Variants in NPAS3 observed in about 807,000 individuals in gnomAD.
NPAS3 encodes neuronal PAS domain protein 3, also known as neuronal PAS domain-containing protein 3.
A neutral mutation model predicts 73.1 loss-of-function variants in NPAS3; 14 were observed. The ratio of observed to expected loss-of-function variants is 0.19; its 90% CI spans 0.13 to 0.30. The LOEUF (loss-of-function observed/expected upper bound fraction) is 0.30, where lower values mean the gene tolerates loss of function less well. NPAS3 is among the 10% of genes least tolerant of loss of function. The pLI, the probability that NPAS3 is intolerant of heterozygous loss-of-function variation, is 1.00. For missense variants in NPAS3, 1,096 were observed against 1,250.0 expected (o/e 0.88, Z 1.86); for synonymous variants, 620 against 541.5 (o/e 1.14, Z -2.01).
chr14:33,575,644 T>C (rs1324748502), intron 5 of NPAS3, among the ~76,000 whole-genome samples: 2 of 152,236 alleles, frequency 1.3e-5, no homozygotes, highest in Admixed American at 6.5e-5. Context: ...AAATGATTTG[T>C]TTGCTTTGTT....
At chr14:33,232,993 C>T (rs143772667) in intron 3 of NPAS3, among the ~76,000 whole-genome samples, 25 of 152,280 alleles carry the variant, frequency 1.6e-4, no homozygotes, top group African/African-American at 5.8e-4. Flanking sequence ...ACAAACCTTA[C>T]ATCCAAATCA....
chr14:33,101,355 GA>G (rs907570238), intron 2 of NPAS3, among the ~76,000 whole-genome samples: 15 of 152,112 alleles, frequency 9.9e-5, no homozygotes, highest in Admixed American at 4.6e-4. Flanking sequence ...TAATTTAGGG[GA>G]AAAAAGAGTG....
intron 3 of NPAS3, among the ~76,000 whole-genome samples, chr14:33,355,842 T>C (rs1007558805): frequency 1.3e-5 from 2 of 152,214 alleles, no homozygotes; most frequent in African/African-American, 2.4e-5. Context: ...CTGTCCCTAC[T>C]TTTCCCTTCC....
intron 2 of NPAS3, among the ~76,000 whole-genome samples, chr14:33,089,038 C>CAAAGATCAAAGGTAGGTAAAACCACA (rs57623601): frequency 6.9e-6 from 1 of 144,654 alleles, no homozygotes; most frequent in African/African-American, 2.7e-5. Flanking sequence ...TCACCATCAT[C>CAAAGATCAAAGGTAGGTAAAACCACA]AAGATGAGGA....
intron 5 of NPAS3, among the ~76,000 whole-genome samples, chr14:33,584,690 G>T (rs947947138): frequency 1.3e-5 from 2 of 152,134 alleles, no homozygotes; most frequent in Non-Finnish European, 2.9e-5. Context: ...AACATACCCA[G>T]ATTGAAAGGT....
intron 7 of NPAS3, among the ~76,000 whole-genome samples, chr14:33,765,833 C>T (rs139287871): frequency 6.6e-6 from 1 of 152,278 alleles, no homozygotes; most frequent in African/African-American, 2.4e-5. Context: ...CACTGTCATA[C>T]AGGGCACTAG....
intron 3 of NPAS3, among the ~76,000 whole-genome samples, chr14:33,343,123 A>T (rs138520487): frequency 7.1e-4 from 108 of 152,278 alleles, no homozygotes; most frequent in Non-Finnish European, 1.3e-3. Context: ...TCCGCAAATA[A>T]CATCTTTGCT....
Position 33,258,933 on chromosome 14 carries a change from C to A in NPAS3, c.385+43507C>A, listed in dbSNP as rs553388563. Among the ~76,000 whole-genome samples the A allele has an allele frequency of 2.2e-4, 34 of 152,326 alleles. No homozygotes were observed. The South Asian group carries it at 6.6e-3, about 30-fold the overall frequency. On this transcript the variant is annotated intron_variant, in intron 3 of 11. Coordinates refer to ENST00000356141, the Ensembl canonical transcript of NPAS3. ...GGTTCACGCCATCCTCCTGCCTCAG[C>A]CTCCCAAGTAGCTGGGACTACAGGC...
chr14:33,293,274 G>A (rs138213959), intron 3 of NPAS3, among the ~76,000 whole-genome samples: 1 of 152,228 alleles, frequency 6.6e-6, no homozygotes, highest in East Asian at 1.9e-4. Flanking sequence ...TTGAAGGTAT[G>A]GAAAGAGTTA....
At chr14:33,331,165 C>A (rs903964119) in intron 3 of NPAS3, among the ~76,000 whole-genome samples, 32 of 152,120 alleles carry the variant, frequency 2.1e-4, no homozygotes, top group African/African-American at 7.0e-4. Context: ...AGGGTAAGAT[C>A]TCATCAGTAC....
chr14:33,564,812 G>C (rs1022792166), intron 5 of NPAS3, among the ~76,000 whole-genome samples: 2 of 152,118 alleles, frequency 1.3e-5, no homozygotes, highest in Non-Finnish European at 2.9e-5. Flanking sequence ...AGTTAATATA[G>C]GGTCCTGTTT....
chr14:33,095,837 T>G (rs2042400438), intron 2 of NPAS3, among the ~76,000 whole-genome samples: 1 of 151,256 alleles, frequency 6.6e-6, no homozygotes. Context: ...CCCGGCTAAT[T>G]TTTTGTATTT....
intron 3 of NPAS3, among the ~76,000 whole-genome samples, chr14:33,339,461 G>T (rs1051262398): frequency 6.6e-6 from 1 of 152,160 alleles, no homozygotes; most frequent in Non-Finnish European, 1.5e-5. Flanking sequence ...CAAAAAAGAT[G>T]AAAGCTACAT....
intron 5 of NPAS3, among the ~76,000 whole-genome samples, chr14:33,640,719 G>A (rs1427910555): frequency 6.6e-6 from 1 of 152,208 alleles, no homozygotes; most frequent in Non-Finnish European, 1.5e-5. Flanking sequence ...GGGAGAACAA[G>A]TATATTGACA....
chr14:32,974,968 G>T (rs776960351), intron 1 of NPAS3, among the ~76,000 whole-genome samples: 1 of 152,142 alleles, frequency 6.6e-6, no homozygotes, highest in Non-Finnish European at 1.5e-5. Flanking sequence ...TAGAGTATCT[G>T]ATTAATAAAG....
intron 2 of NPAS3, among the ~76,000 whole-genome samples, chr14:33,136,147 G>A (rs944738760): frequency 1.4e-5 from 2 of 139,496 alleles, no homozygotes; most frequent in Admixed American, 8.0e-5. Context: ...TGCAACCTCC[G>A]CCTCCCAGGT....
rs529633279 is a variant in NPAS3, at chr14:33,597,442, A to G, written c.558+37232A>G. 5.3e-4 allele frequency among the ~76,000 whole-genome samples: 80 copies of G among 152,352 alleles called. 2 individuals carry two copies. The South Asian group carries it at 0.016, about 30-fold the overall frequency. On this transcript the variant is annotated intron_variant, in intron 5 of 11. Transcript: ENST00000356141. ...GGAAGGCATATGTCATGGGAACATA[A>G]AGAGTAATTTTCGTCTAAAGTAAAT...
At chr14:33,143,957 C>G (rs1231589188) in intron 2 of NPAS3, among the ~76,000 whole-genome samples, 1 of 152,228 alleles carries the variant, frequency 6.6e-6, no homozygotes, top group East Asian at 1.9e-4. Flanking sequence ...ACTTTATTAT[C>G]TGTTGCTGGA....
intron 2 of NPAS3, among the ~76,000 whole-genome samples, chr14:33,075,341 A>G (rs1408399954): frequency 1.3e-5 from 2 of 152,226 alleles, no homozygotes; most frequent in Non-Finnish European, 2.9e-5. Context: ...CAATGTGTTA[A>G]GTATCTTAGC....
Sources: gnomAD v4.1 joint callset for allele counts (sites outside exome capture counted in the v4.1 genomes callset) on GRCh38, gnomAD v4.1.1 for gene constraint, MANE v1.5 for transcripts, NCBI Gene and HGNC (gene_info 2026-07-23, HGNC 2026-07-21) for gene names.